The following RPH3AL variants were observed in gnomAD, a reference collection of about 807,000 sequenced individuals.
RPH3AL encodes the protein rab effector Noc2.
RPH3AL carries 38 observed loss-of-function variants against 43.1 expected under a neutral mutation model. The observed-to-expected ratio is 0.88, with a 90% CI of 0.68 to 1.15. RPH3AL has a LOEUF of 1.15. Among genes scored for constraint, RPH3AL ranks in the 50% most tolerant of loss-of-function variants. The pLI, the probability that RPH3AL is intolerant of heterozygous loss-of-function variation, is 0.00. For missense variants in RPH3AL, 462 were observed against 423.2 expected (o/e 1.09, Z -0.81); for synonymous variants, 189 against 176.3 (o/e 1.07, Z -0.57).
chr17:302,790 C>T (rs564687946), intron 5 of RPH3AL, among the ~76,000 whole-genome samples: 10 of 152,228 alleles, frequency 6.6e-5, no homozygotes, highest in South Asian at 4.2e-4. Flanking sequence ...AGTCATGGGA[C>T]GATGTTTTTG....
Position 214,002 on chromosome 17 carries a change from G to T in RPH3AL, c.877-79C>A, listed in dbSNP as rs989933113. The T allele has an allele frequency of 1.1e-5, 12 of 1,080,406 alleles. No homozygotes were observed. In the South Asian group the frequency reaches 1.8e-4, roughly 16 times the overall value. The allele number at this position is 1,080,406 out of a possible 1,614,324, so 66.9% of individuals were successfully genotyped here. On this transcript the variant is annotated intron_variant, in intron 9 of 9. Transcript: ENST00000331302. ...TCCCCGGTGACAGCTCGGCCTTTGG[G>T]AATGAGATGGAGGAGCTGGTGGGGA...
At position 245,289 on chromosome 17, in the gene RPH3AL, G is replaced by A. The variant is rs988052455; in HGVS notation, c.613+1822C>T. Among the ~76,000 whole-genome samples, 3 of 150,764 alleles carry A rather than the reference G, an allele frequency of 2.0e-5. No individual in the cohort carries two copies. The highest frequency in any genetic ancestry group is 4.2e-4 in the South Asian group (2 of 4,706). On this transcript the variant is annotated intron_variant, in intron 7 of 9. Transcript: ENST00000331302. The surrounding 1 kb of genome is among the most constrained non-coding windows in gnomAD (Gnocchi z 5.9). ...TGGATGTCAGTGTGTGTGTACGTGGGTGTGTGTGTGGATGTGTGTGTGGAT... is the reference window on the plus strand; with the variant it reads ...TGGATGTCAGTGTGTGTGTACGTGGATGTGTGTGTGGATGTGTGTGTGGAT...
In RPH3AL at chr17:215,695, G is replaced by A. The variant is rs2040781938; in HGVS notation, c.835C>T (p.Pro279Ser). The change falls in exon 9 of 10, where the codon CCG (proline) becomes TCG (serine). Residue 279 changes from proline to serine, a missense_variant. Pro to Ser is a moderately conservative substitution (Grantham distance 74). Transcript: ENST00000331302. The surrounding 1 kb of genome is among the most constrained non-coding windows in gnomAD (Gnocchi z 4.1). The part of the protein sequence containing the change: ...SGETGTGSAD[P>S]PGGPRPGLTR... ...AGCCCGGGGCGGGGTCCCCCTGGCG[G>A]GTCAGCAGAGCCTGTCCCCGTCTCA... 2 of 1,277,370 alleles carry A rather than the reference G, an allele frequency of 1.6e-6. No homozygotes were observed. The highest frequency in any genetic ancestry group is 3.1e-5 in the African/African-American group (2 of 64,692). 79.1% of individuals were successfully genotyped at this position (1,277,370 alleles called of 1,614,324 possible). A position where few individuals can be genotyped will look rare whatever the true frequency, so the allele number is the denominator to read the frequency against.
intron 6 of RPH3AL, among the ~76,000 whole-genome samples, chr17:253,434 G>A (rs2041963279): frequency 6.6e-6 from 1 of 152,198 alleles, no homozygotes; most frequent in Admixed American, 6.5e-5. Flanking sequence ...CTCAGCTCAT[G>A]GACTTCCGAG....
rs79903263 is a variant in RPH3AL, at chr17:268,187, T to C, written c.438+13581A>G. ...GGATTTTCCTCTCCCTCCATCACCC[T>C]TGTGACAACGAAAGCAACCCCTCCT... On this transcript the variant is annotated intron_variant, in intron 6 of 9. Coordinates refer to ENST00000331302, the MANE Select transcript of RPH3AL (RefSeq NM_006987.4). Among the ~76,000 whole-genome samples, 499 of 152,258 alleles carry C rather than the reference T, an allele frequency of 3.3e-3. 4 individuals carry two copies. The highest frequency in any genetic ancestry group is 0.011 in the African/African-American group (469 of 41,550).
intron 5 of RPH3AL, among the ~76,000 whole-genome samples, chr17:297,939 C>CGA (rs1387506762): frequency 6.6e-6 from 1 of 152,148 alleles, no homozygotes; most frequent in Non-Finnish European, 1.5e-5. Flanking sequence ...GACACACGGA[C>CGA]GAACATGCAA....
intron 6 of RPH3AL, among the ~76,000 whole-genome samples, chr17:280,487 T>G (rs2151604683): frequency 6.6e-6 from 1 of 152,154 alleles, no homozygotes; most frequent in East Asian, 1.9e-4. Context: ...AAACCCAGGA[T>G]GCCTGGCTCA....
intron 1 of RPH3AL, among the ~76,000 whole-genome samples, chr17:340,376 T>TCC (rs2045081240): frequency 1.5e-5 from 1 of 66,092 alleles, no homozygotes; most frequent in Non-Finnish European, 3.1e-5. Context: ...TGCCCTGGGC[T>TCC]CAGGCCTCCC....
At chr17:298,860 G>C (rs573872330) in intron 5 of RPH3AL, among the ~76,000 whole-genome samples, 3 of 152,272 alleles carry the variant, frequency 2.0e-5, no homozygotes, top group Admixed American at 6.5e-5. Context: ...GTTATGCACA[G>C]AACGGAGCTC....
Position 333,905 on chromosome 17 carries a change from T to C in RPH3AL, c.-183A>G, listed in dbSNP as rs973819770. On this transcript the variant is annotated 5_prime_UTR_variant, in exon 2 of 10. Transcript: ENST00000331302. The surrounding 1 kb of genome is among the most constrained non-coding windows in gnomAD (Gnocchi z 4.5). The stretch of plus-strand genomic sequence containing the variant: ...GGTAGCCTAATCTGCGGATCTCCAA[T>C]TAGATGGTTTCAATAAGGCAGACGA... 4 of 152,820 alleles carry C rather than the reference T, an allele frequency of 2.6e-5. No homozygotes were observed. The highest frequency in any genetic ancestry group is 4.8e-5 in the African/African-American group (2 of 41,420). 9.5% of individuals were successfully genotyped at this position (152,820 alleles called of 1,614,324 possible).
intron 7 of RPH3AL, among the ~76,000 whole-genome samples, chr17:242,911 AT>A (rs2041602889): frequency 8.4e-6 from 1 of 118,378 alleles, no homozygotes; most frequent in Non-Finnish European, 1.7e-5. Context: ...ACCTTCCTCT[AT>A]TGATTACCCT....
At chr17:316,878 C>T (rs1190403167) in intron 5 of RPH3AL, among the ~76,000 whole-genome samples, 4 of 152,038 alleles carry the variant, frequency 2.6e-5, no homozygotes, top group African/African-American at 4.8e-5. Context: ...TGTGCTCCAC[C>T]TCCATTGACC....
At position 345,628 on chromosome 17, in the gene RPH3AL, C is replaced by T. The variant is rs749032999; in HGVS notation, c.-213+7084G>A. Among the ~76,000 whole-genome samples the T allele has an allele frequency of 2.4e-4, 31 of 131,654 alleles. 5 individuals are homozygous for T. Among genetic ancestry groups the T allele is most frequent in the Non-Finnish European group, 4.7e-4 (27 of 57,632 alleles). The allele number at this position is 131,654 out of a possible 152,430, so 86.4% of individuals were successfully genotyped here. ...GTGGGTGCCTGCTGGGGCACGCGTG[C>T]TCCCCATCTGCACGCACACCCTGCT... On this transcript the variant is annotated intron_variant, in intron 1 of 9. Transcript: ENST00000331302.
intron 5 of RPH3AL, among the ~76,000 whole-genome samples, chr17:294,081 G>T (rs7213496): frequency 0.44 from 66,148 of 151,960 alleles, 15,766 homozygotes; most frequent in Admixed American, 0.54. Context: ...TCAATCAAAG[G>T]GGAAAGCACA....
chr17:257,125 C>T (rs868942983), intron 6 of RPH3AL, among the ~76,000 whole-genome samples: 6 of 65,152 alleles, frequency 9.2e-5, no homozygotes, highest in Middle Eastern at 6.5e-3. Flanking sequence ...ATGAGGGGAG[C>T]CGCACGGCGT....
chr17:232,163 AAAGGGCAGTTTCCTGACTGC>A (rs1278804664), intron 7 of RPH3AL, among the ~76,000 whole-genome samples: 262 of 152,342 alleles, frequency 1.7e-3, no homozygotes, highest in Middle Eastern at 3.4e-3. Context: ...AGATTTAGGG[AAAGGGCAGTTTCCTGACTGC>A]TGCAGGTGTT....
At chr17:273,078 G>GAGAGACCCCAGCGAGGGCGACATCAGGA (rs2042544755) in intron 6 of RPH3AL, among the ~76,000 whole-genome samples, 1 of 114,578 alleles carries the variant, frequency 8.7e-6, no homozygotes, top group African/African-American at 3.2e-5. Context: ...CGACGTCAGG[G>GAGAGACCCCAGCGAGGGCGACATCAGGA]AGAGACCCCA....
intron 5 of RPH3AL, among the ~76,000 whole-genome samples, chr17:291,012 C>T (rs1013739882): frequency 2.6e-5 from 4 of 152,156 alleles, no homozygotes; most frequent in Admixed American, 6.6e-5. Flanking sequence ...GAGCCTCACT[C>T]GACCGAAACG....
At chr17:262,515 A>G (rs1037706313) in intron 6 of RPH3AL, among the ~76,000 whole-genome samples, 6 of 150,802 alleles carry the variant, frequency 4.0e-5, no homozygotes, top group African/African-American at 1.2e-4. Flanking sequence ...CACCCGGCCA[A>G]CAAAATAATT....
Sources: allele counts gnomAD v4.1 joint callset (sites outside exome capture counted in the v4.1 genomes callset), GRCh38; gene constraint gnomAD v4.1.1; non-coding constraint Gnocchi (gnomAD v3.1); transcripts MANE v1.5; gene names NCBI Gene and HGNC (gene_info 2026-07-23, HGNC 2026-07-21).